The following ROBO2 variants were observed in gnomAD, a reference collection of about 807,000 sequenced individuals.
ROBO2 encodes roundabout homolog 2.
ROBO2 carries 53 observed loss-of-function variants against 160.8 expected under a neutral mutation model. The observed-to-expected ratio is 0.33, with a 90% confidence interval of 0.26 to 0.41. The LOEUF (loss-of-function observed/expected upper bound fraction) is 0.41. Ranked by LOEUF, ROBO2 falls within the 10% of genes least tolerant of loss-of-function variation. ROBO2 has a pLI of 1.00. For missense variants in ROBO2, 1,577 were observed against 1,722.4 expected, an observed-to-expected ratio of 0.92 and a Z score of 1.49; for synonymous variants, 664 against 611.7, an observed-to-expected ratio of 1.09 and a Z score of -1.26.
chr3:77,112,178 G>A (rs1324147785), intron 2 of ROBO2, among the ~76,000 whole-genome samples: 1 of 126,090 alleles, frequency 7.9e-6, no homozygotes, highest in African/African-American at 3.1e-5. Flanking sequence ...CTGGGTGACA[G>A]AGCGAGACTC....
intron 2 of ROBO2, among the ~76,000 whole-genome samples, chr3:76,952,350 T>C (rs1194238677): frequency 1.3e-5 from 2 of 152,206 alleles, no homozygotes; most frequent in Admixed American, 1.3e-4. Flanking sequence ...TGGCACGATC[T>C]TGGCTCACCA....
chr3:77,595,035 C>T (rs1005804786), intron 17 of ROBO2, 107 bp from the exon 19 acceptor site: 2 of 845,176 alleles, frequency 2.4e-6, no homozygotes, highest in South Asian at 3.0e-5. Flanking sequence ...TGTTAAAATT[C>T]CCAGAGGCCT....
intron 2 of ROBO2, among the ~76,000 whole-genome samples, chr3:77,448,600 T>G (rs2080812382): frequency 6.6e-6 from 1 of 151,572 alleles, no homozygotes; most frequent in Non-Finnish European, 1.5e-5. Context: ...TTATTATGCG[T>G]AAGGACAGGT....
At chr3:77,173,699 TAAA>T (rs1432824073) in intron 2 of ROBO2, among the ~76,000 whole-genome samples, 1 of 152,124 alleles carries the variant, frequency 6.6e-6, no homozygotes, top group Non-Finnish European at 1.5e-5. Flanking sequence ...TTAAAATTCT[TAAA>T]AAAATCAGTT....
intron 1 of ROBO2, chr3:75,907,027 A>AGCTCCCCC (rs1946373055): frequency 6.6e-6 from 1 of 152,372 alleles, no homozygotes; most frequent in African/African-American, 2.4e-5. Context: ...GAGGCTGCTC[A>AGCTCCCCC]GCTCCCCCAA....
At chr3:76,056,635 A>G (rs1227886994) in intron 2 of ROBO2, among the ~76,000 whole-genome samples, 1 of 152,216 alleles carries the variant, frequency 6.6e-6, no homozygotes, top group Admixed American at 6.5e-5. Flanking sequence ...AATTGCCTTC[A>G]GAATACTTAG....
intron 2 of ROBO2, among the ~76,000 whole-genome samples, chr3:77,230,044 G>A (rs1035847423): frequency 6.6e-6 from 1 of 151,980 alleles, no homozygotes; most frequent in African/African-American, 2.4e-5. Flanking sequence ...CTTGGTATTG[G>A]GAAGTGTATC....
At chr3:77,045,096 A>G (rs1446454398) in intron 1 of ROBO2, among the ~76,000 whole-genome samples, 1 of 152,156 alleles carries the variant, frequency 6.6e-6, no homozygotes, top group Non-Finnish European at 1.5e-5. Context: ...GGACTTCCTG[A>G]GCCAGCTGTA....
chr3:75,932,313 TTAA>T (rs1158221660), intron 1 of ROBO2, among the ~76,000 whole-genome samples: 2 of 152,210 alleles, frequency 1.3e-5, no homozygotes, highest in East Asian at 3.9e-4. Context: ...TGTCACTATT[TTAA>T]TTTGTTTTTC....
At chr3:77,193,213 A>G (rs2082018800) in intron 2 of ROBO2, among the ~76,000 whole-genome samples, 1 of 152,034 alleles carries the variant, frequency 6.6e-6, no homozygotes, top group South Asian at 2.1e-4. Context: ...ATTTGATGAT[A>G]AAATTACATG....
intron 2 of ROBO2, among the ~76,000 whole-genome samples, chr3:77,423,732 A>G (rs2077924984): frequency 6.6e-6 from 1 of 152,210 alleles, no homozygotes; most frequent in African/African-American, 2.4e-5. Flanking sequence ...TACATTTAAA[A>G]TAATTCAATG....
chr3:76,657,960 C>T (rs997776834), intron 2 of ROBO2, among the ~76,000 whole-genome samples: 1 of 149,136 alleles, frequency 6.7e-6, no homozygotes, highest in African/African-American at 2.5e-5. Context: ...CTACCTACTC[C>T]AGAGGCTGAG....
At chr3:76,341,619 G>A (rs962125096) in intron 2 of ROBO2, among the ~76,000 whole-genome samples, 40 of 152,048 alleles carry the variant, frequency 2.6e-4, no homozygotes, top group African/African-American at 9.6e-4. Flanking sequence ...GAAATTCACT[G>A]GAAATTTCCA....
chr3:75,959,188 A>G (rs1365991162), intron 2 of ROBO2, among the ~76,000 whole-genome samples: 3 of 151,664 alleles, frequency 2.0e-5, no homozygotes, highest in Admixed American at 2.0e-4. Context: ...GGTAGTGGTG[A>G]TATTTATTTT....
At chr3:76,589,865 ATCTACAAGTT>A (rs1356095959) in intron 2 of ROBO2, among the ~76,000 whole-genome samples, 1 of 152,200 alleles carries the variant, frequency 6.6e-6, no homozygotes, top group Non-Finnish European at 1.5e-5. Context: ...GACAACCCAC[ATCTACAAGTT>A]TCTTTAAAAA....
chr3:76,970,677 G>A (rs1559782092), intron 2 of ROBO2, among the ~76,000 whole-genome samples: 3 of 152,132 alleles, frequency 2.0e-5, no homozygotes, highest in South Asian at 4.1e-4. Context: ...AATGAATTCA[G>A]TATTAGCATT....
chr3:77,537,906 C>G (rs888621303), intron 6 of ROBO2, among the ~76,000 whole-genome samples: 3 of 152,038 alleles, frequency 2.0e-5, no homozygotes, highest in Non-Finnish European at 4.4e-5. Flanking sequence ...TCAATTACCT[C>G]CCACCGGGTC....
At chr3:76,305,900 CAG>C (rs1232284742) in intron 2 of ROBO2, among the ~76,000 whole-genome samples, 3 of 151,758 alleles carry the variant, frequency 2.0e-5, no homozygotes, top group African/African-American at 7.3e-5. Context: ...GAGGATTGCT[CAG>C]AGTTTCTCAG....
intron 6 of ROBO2, among the ~76,000 whole-genome samples, chr3:77,530,143 G>A (rs2091543145): frequency 1.3e-5 from 2 of 151,912 alleles, no homozygotes; most frequent in Non-Finnish European, 2.9e-5. Flanking sequence ...ATTCTGCAAG[G>A]TAGAGGCCAC....
Sources: allele counts gnomAD v4.1 joint callset (sites outside exome capture counted in the v4.1 genomes callset), GRCh38; gene constraint gnomAD v4.1.1; transcripts MANE v1.5; gene names NCBI Gene and HGNC (gene_info 2026-07-23, HGNC 2026-07-21).